Variants in PATJ observed in about 807,000 individuals in gnomAD.
PATJ encodes the protein inaD-like protein.
PATJ carries 190 observed loss-of-function variants against 224.9 expected under a neutral mutation model. The ratio of observed to expected loss-of-function variants is 0.84; its 90% CI spans 0.75 to 0.95. PATJ has a LOEUF of 0.95. Among genes scored for constraint, PATJ ranks in the 40% least tolerant of loss-of-function variants. The pLI, the probability that PATJ is intolerant of heterozygous loss-of-function variation, is 0.00. For synonymous variants in PATJ, 769 were observed against 820.3 expected, an observed-to-expected ratio of 0.94 and a Z score of 1.07; for missense variants, 2,121 against 2,270.3, an observed-to-expected ratio of 0.93 and a Z score of 1.34.
intron 26 of PATJ, among the ~76,000 whole-genome samples, chr1:61,918,895 C>A (rs1409109020): frequency 6.6e-6 from 1 of 151,914 alleles, no homozygotes. Context: ...CCAGGGAAGG[C>A]CGCAGTGAGC....
At chr1:61,997,814 TG>T (rs1645461728) in intron 28 of PATJ, among the ~76,000 whole-genome samples, 4 of 124,892 alleles carry the variant, frequency 3.2e-5, no homozygotes, top group Non-Finnish European at 6.1e-5. Flanking sequence ...TGTTTTGTTT[TG>T]TTTTGTTTTA....
intron 16 of PATJ, among the ~76,000 whole-genome samples, chr1:61,831,634 C>T (rs1322010149): frequency 1.3e-5 from 2 of 152,082 alleles, no homozygotes; most frequent in Non-Finnish European, 2.9e-5. Flanking sequence ...AATGAGATAC[C>T]ATCTCATACC....
chr1:61,861,284 C>CTTTTTTTTTTTTTT lies in PATJ; in HGVS notation c.2323-257_2323-244dup. Reference sequence around the variant, plus strand: ...TGAAACCAGGATATTTTCTTTCTTTCTTTTTTTTTTTTTTTTTTTTTTTAC... The same window carrying CTTTTTTTTTTTTTT: ...TGAAACCAGGATATTTTCTTTCTTTCTTTTTTTTTTTTTTTTTTTTTTTTTTTTTTTTTTTTTAC... On this transcript the variant is annotated intron_variant, in intron 18 of 43. Coordinates refer to ENST00000642238, the MANE Select transcript of PATJ (RefSeq NM_001350145.3). 8.6e-3 allele frequency among the ~76,000 whole-genome samples: 418 copies of CTTTTTTTTTTTTTT among 48,718 alleles called. 36 individuals are homozygous for CTTTTTTTTTTTTTT. The highest frequency in any genetic ancestry group is 0.015 in the East Asian group (10 of 660). The allele number at this position is 48,718 out of a possible 152,430, so 32.0% of individuals were successfully genotyped here. A position where few individuals can be genotyped will look rare whatever the true frequency, so the allele number is the denominator to read the frequency against.
intron 33 of PATJ, among the ~76,000 whole-genome samples, chr1:62,106,957 A>G (rs532704951): frequency 1.3e-5 from 2 of 152,072 alleles, no homozygotes; most frequent in East Asian, 3.9e-4. Flanking sequence ...GCACTGCAGG[A>G]CTCAAATCCC....
chr1:61,967,959 C>A (rs1275844159), intron 27 of PATJ, among the ~76,000 whole-genome samples: 1 of 152,062 alleles, frequency 6.6e-6, no homozygotes, highest in East Asian at 1.9e-4. Flanking sequence ...AAAATGAAAA[C>A]AGACTGGCTG....
In PATJ at chr1:62,121,088, T is replaced by C. The variant is rs536267615; in HGVS notation, c.4891-93T>C. ...ACGATTTTCTGTTAGATGGTTATGG[T>C]GACATCAGTAATTGGCACACTAATG... On this transcript the variant is annotated intron_variant, in intron 37 of 43. Transcript: ENST00000642238. 35 of 771,090 alleles carry C rather than the reference T, an allele frequency of 4.5e-5. No homozygotes were observed. In the South Asian group the frequency reaches 6.0e-4, roughly 13 times the overall value. The allele number at this position is 771,090 out of a possible 1,614,324, so 47.8% of individuals were successfully genotyped here. A position where few individuals can be genotyped will look rare whatever the true frequency, so the allele number is the denominator to read the frequency against.
intron 7 of PATJ, among the ~76,000 whole-genome samples, chr1:61,781,688 C>G (rs1647363775): frequency 6.6e-6 from 1 of 152,216 alleles, no homozygotes; most frequent in Non-Finnish European, 1.5e-5. Flanking sequence ...CAATTGACTT[C>G]TTGGCTTAAT....
chr1:61,759,728 C>CT (rs2148266587), intron 1 of PATJ, among the ~76,000 whole-genome samples: 1 of 152,282 alleles, frequency 6.6e-6, no homozygotes, highest in South Asian at 2.1e-4. Context: ...TGATAATTTA[C>CT]TTTTTCCAGG....
intron 12 of PATJ, 37 bp from the exon 13 acceptor site, chr1:61,805,411 C>T (rs777225759): frequency 1.5e-6 from 2 of 1,348,096 alleles, no homozygotes; most frequent in East Asian, 2.3e-5. Context: ...GTAGTTTCAA[C>T]ATTCTCTCGC....
chr1:61,825,873 C>CT (rs1054910312), intron 15 of PATJ, among the ~76,000 whole-genome samples: 39 of 152,234 alleles, frequency 2.6e-4, no homozygotes, highest in African/African-American at 9.4e-4. Context: ...ATCTCCGTGC[C>CT]TTTTTTTAGT....
At chr1:62,132,515 A>T (rs924529684) in intron 41 of PATJ, among the ~76,000 whole-genome samples, 2 of 151,846 alleles carry the variant, frequency 1.3e-5, no homozygotes, top group African/African-American at 4.8e-5. Flanking sequence ...GAAACAGCTG[A>T]AAGTAGTTGC....
intron 12 of PATJ, among the ~76,000 whole-genome samples, chr1:61,802,509 G>T (rs955300154): frequency 2.6e-5 from 4 of 151,924 alleles, no homozygotes; most frequent in African/African-American, 9.7e-5. Flanking sequence ...AAACTCCTGA[G>T]CTCAAGCCAT....
At chr1:61,874,757 GTAGGTTT>G (rs1261669858) in intron 20 of PATJ, among the ~76,000 whole-genome samples, 2 of 152,232 alleles carry the variant, frequency 1.3e-5, no homozygotes, top group East Asian at 1.9e-4. Context: ...GCACTTATCT[GTAGGTTT>G]TAGGTTTTAG....
At chr1:62,106,160 A>G (rs868744138) in intron 33 of PATJ, among the ~76,000 whole-genome samples, 3,606 of 62,520 alleles carry the variant, frequency 0.058, 558 homozygotes, top group African/African-American at 0.18. Flanking sequence ...GTGTGTGTGT[A>G]TATATATATA....
intron 24 of PATJ, among the ~76,000 whole-genome samples, chr1:61,905,899 C>T (rs1235745448): frequency 6.6e-6 from 1 of 152,086 alleles, no homozygotes; most frequent in Admixed American, 6.6e-5. Flanking sequence ...GTATCAGATC[C>T]CCAGCGGACA....
At chr1:62,044,020 C>G (rs1174591938) in intron 30 of PATJ, among the ~76,000 whole-genome samples, 1 of 152,140 alleles carries the variant, frequency 6.6e-6, no homozygotes, top group Non-Finnish European at 1.5e-5. Context: ...GCCACTGCAC[C>G]TGGCCAACAT....
At chr1:61,938,912 AT>A (rs1677309712) in intron 27 of PATJ, among the ~76,000 whole-genome samples, 1 of 151,886 alleles carries the variant, frequency 6.6e-6, no homozygotes, top group African/African-American at 2.4e-5. Flanking sequence ...TTACAAATTG[AT>A]TTAAAAAGAA....
Position 61,781,094 on chromosome 1 carries a change from A to G in PATJ, c.849+5760A>G, listed in dbSNP as rs115620022. On this transcript the variant is annotated intron_variant, in intron 7 of 43. Transcript: ENST00000642238. Reference sequence around the variant, plus strand: ...AACCATTAAGAAATTGCCCTAGGTTACAGCAGCTAGGTGAGCCACAAAGTC... The same window carrying G: ...AACCATTAAGAAATTGCCCTAGGTTGCAGCAGCTAGGTGAGCCACAAAGTC... Among the ~76,000 whole-genome samples the G allele has an allele frequency of 3.5e-3, 539 of 152,338 alleles. 4 individuals are homozygous for G. The highest frequency in any genetic ancestry group is 0.013 in the African/African-American group (521 of 41,592).
chr1:61,967,073 C>T (rs1682280356), intron 27 of PATJ, among the ~76,000 whole-genome samples: 1 of 152,164 alleles, frequency 6.6e-6, no homozygotes, highest in African/African-American at 2.4e-5. Flanking sequence ...CAGTAGGTTT[C>T]AGCCTTATTT....
Sources: gnomAD v4.1 joint callset for allele counts (sites outside exome capture counted in the v4.1 genomes callset) on GRCh38, gnomAD v4.1.1 for gene constraint, MANE v1.5 for transcripts, NCBI Gene and HGNC (gene_info 2026-07-23, HGNC 2026-07-21) for gene names.